The following CHST8 variants were observed in gnomAD, a reference collection of about 807,000 sequenced individuals.
The protein encoded by CHST8 is GALNAC-4-ST1.
In CHST8, 10 loss-of-function variants were observed where a neutral mutation model predicts 15.0. The observed-to-expected ratio is 0.67, with a 90% CI of 0.41 to 1.13. CHST8 has a LOEUF of 1.13. Among genes scored for constraint, CHST8 ranks in the 50% most tolerant of loss-of-function variants. CHST8 has a pLI of 0.00. For synonymous variants in CHST8, 259 were observed against 256.6 expected (o/e 1.01, Z -0.09); for missense variants, 634 against 608.2 (o/e 1.04, Z -0.45).
intron 3 of CHST8, among the ~76,000 whole-genome samples, chr19:33,712,867 C>T (rs187656964): frequency 9.2e-4 from 140 of 152,284 alleles, no homozygotes; most frequent in Admixed American, 3.1e-3. Context: ...TGCCCTCTCA[C>T]TCTGCCTGTC....
intron 3 of CHST8, among the ~76,000 whole-genome samples, chr19:33,692,149 CA>C (rs547682649): frequency 1.9e-4 from 22 of 118,344 alleles, no homozygotes; most frequent in Middle Eastern, 7.9e-3. Context: ...ACATTTTAAA[CA>C]TTTTTTTTTT....
intron 1 of CHST8, among the ~76,000 whole-genome samples, chr19:33,632,066 T>C (rs1972128774): frequency 6.6e-6 from 1 of 152,168 alleles, no homozygotes; most frequent in Non-Finnish European, 1.5e-5. Context: ...TGACAGAGGC[T>C]TAGGGGGCAG....
chr19:33,686,429 C>T (rs188148578), intron 2 of CHST8, among the ~76,000 whole-genome samples: 2 of 152,230 alleles, frequency 1.3e-5, no homozygotes, highest in East Asian at 1.9e-4. Flanking sequence ...CAGTGGATGT[C>T]GGTACTGGCT....
intron 3 of CHST8, among the ~76,000 whole-genome samples, chr19:33,757,425 A>AG (rs1179260559): frequency 7.9e-5 from 1 of 12,726 alleles, no homozygotes; most frequent in Non-Finnish European, 1.6e-4. Flanking sequence ...AAAGAAAGAA[A>AG]GAAAGAAAGA....
intron 3 of CHST8, among the ~76,000 whole-genome samples, chr19:33,711,563 G>A (rs959495410): frequency 7.2e-5 from 11 of 152,198 alleles, no homozygotes; most frequent in Non-Finnish European, 1.5e-5. Flanking sequence ...AGAAGAAAAT[G>A]CAACCAGAAA....
chr19:33,730,197 C>T (rs775813202), intron 3 of CHST8, among the ~76,000 whole-genome samples: 5 of 152,176 alleles, frequency 3.3e-5, no homozygotes, highest in Admixed American at 1.3e-4. Context: ...GAGAACCCGG[C>T]GTGCAATTCT....
chr19:33,726,600 G>A (rs1031401429), intron 3 of CHST8, among the ~76,000 whole-genome samples: 10 of 152,114 alleles, frequency 6.6e-5, no homozygotes, highest in Non-Finnish European at 1.5e-4. Context: ...AAGGGTGTGG[G>A]CACTAGAACT....
chr19:33,723,952 G>T (rs905830299), intron 3 of CHST8, among the ~76,000 whole-genome samples: 1 of 152,200 alleles, frequency 6.6e-6, no homozygotes, highest in Admixed American at 6.5e-5. Flanking sequence ...GTGGGGAGGA[G>T]TAGCTTCCCG....
intron 1 of CHST8, among the ~76,000 whole-genome samples, chr19:33,646,851 G>T (rs1239001031): frequency 6.6e-6 from 1 of 152,214 alleles, no homozygotes; most frequent in Non-Finnish European, 1.5e-5. Flanking sequence ...GGAGGCGGGG[G>T]TTGCATTGAG....
intron 3 of CHST8, among the ~76,000 whole-genome samples, chr19:33,702,046 C>T (rs1288628106): frequency 6.6e-6 from 1 of 151,990 alleles, no homozygotes; most frequent in Non-Finnish European, 1.5e-5. Context: ...TGGATCTCAG[C>T]TCACTGCAAC....
intron 3 of CHST8, among the ~76,000 whole-genome samples, chr19:33,711,993 T>A (rs975891712): frequency 4.6e-5 from 7 of 152,284 alleles, no homozygotes; most frequent in Middle Eastern, 3.4e-3. Context: ...AGCGACAACG[T>A]GGAAGTTTAG....
chr19:33,680,784 A>G (rs1411440240), intron 2 of CHST8, among the ~76,000 whole-genome samples: 1 of 152,256 alleles, frequency 6.6e-6, no homozygotes, highest in African/African-American at 2.4e-5. Flanking sequence ...GAGCTGATCC[A>G]TGGAAATGAC....
intron 1 of CHST8, among the ~76,000 whole-genome samples, chr19:33,632,815 C>A (rs1417731936): frequency 6.6e-6 from 1 of 152,004 alleles, no homozygotes; most frequent in Non-Finnish European, 1.5e-5. Flanking sequence ...ATCGCCCAGG[C>A]TGAAGTGTAG....
chr19:33,703,379 C>T lies in CHST8; in HGVS notation c.130+13988C>T, dbSNP rs549155211. 2.6e-5 allele frequency among the ~76,000 whole-genome samples: 4 copies of T among 152,330 alleles called. No individual in the cohort carries two copies. The East Asian group carries it at 7.7e-4, about 29-fold the overall frequency. ...GGCAGCAGGGAAGTGGTGAGGAGTC[C>T]ACCCACGCTCCAAGGACAGGGCTGT... On this transcript the variant is annotated intron_variant, in intron 3 of 4. Transcript: ENST00000650847.
intron 1 of CHST8, among the ~76,000 whole-genome samples, chr19:33,657,041 C>T (rs977601041): frequency 6.6e-6 from 1 of 151,650 alleles, no homozygotes; most frequent in Non-Finnish European, 1.5e-5. Flanking sequence ...CTTGGTTTTC[C>T]ATTACTGCGC....
rs753642596 is a variant in CHST8 at position 33,772,715 on chromosome 19, C to T, written c.927C>T (p.Pro309=). 7 of 1,613,284 alleles carry T rather than the reference C, an allele frequency of 4.3e-6. No homozygotes were observed. The highest frequency in any genetic ancestry group is 5.1e-6 in the Non-Finnish European group (6 of 1,179,974). ...GGACCGGCTCTGGGGTGCGTTTTCC[C>T]GAGTTCGTCCAGTACCTGCTGGACG... The part of the protein sequence containing the change: ...ALRTGSGVRF[P]EFVQYLLDVH... The change falls in exon 5 of 5, where the codon CCC becomes CCT. Residue 309 remains proline (P), a synonymous_variant. Coordinates refer to ENST00000650847, the MANE Select transcript of CHST8 (RefSeq NM_001127895.2).
chr19:33,664,782 C>G (rs1238766363), intron 1 of CHST8, among the ~76,000 whole-genome samples: 1 of 152,046 alleles, frequency 6.6e-6, no homozygotes, highest in Non-Finnish European at 1.5e-5. Flanking sequence ...TGGTTACTGC[C>G]AATCTTGTCT....
chr19:33,741,081 C>T (rs1240831916), intron 3 of CHST8, among the ~76,000 whole-genome samples: 1 of 152,194 alleles, frequency 6.6e-6, no homozygotes, highest in African/African-American at 2.4e-5. Flanking sequence ...GTGTCAGCCT[C>T]GTTTTGATCA....
intron 1 of CHST8, among the ~76,000 whole-genome samples, chr19:33,649,495 A>G (rs1417598362): frequency 1.3e-5 from 2 of 152,232 alleles, no homozygotes; most frequent in African/African-American, 4.8e-5. Flanking sequence ...AGGGTGGAAC[A>G]GGAATTTATG....
Sources: allele counts gnomAD v4.1 joint callset (sites outside exome capture counted in the v4.1 genomes callset), GRCh38; gene constraint gnomAD v4.1.1; transcripts MANE v1.5; gene names NCBI Gene and HGNC (gene_info 2026-07-23, HGNC 2026-07-21).